The following SNX1 variants were observed in gnomAD, a reference collection of about 807,000 sequenced individuals.
The protein encoded by SNX1 is sorting nexin 1, also known as sorting nexin-1.
A neutral mutation model predicts 71.8 loss-of-function variants in SNX1; 36 were observed. That is an observed-to-expected ratio of 0.50 (90% confidence interval 0.38 to 0.66). SNX1 has a LOEUF of 0.66. SNX1 is among the 30% of genes least tolerant of loss of function. The pLI is 0.00. For synonymous variants in SNX1, 254 were observed against 240.7 expected, an observed-to-expected ratio of 1.06 and a Z score of -0.51; for missense variants, 612 against 646.7, an observed-to-expected ratio of 0.95 and a Z score of 0.58.
chr15:64,124,147 C>CATATATGTGTATATAT (rs1555491929), intron 5 of SNX1, among the ~76,000 whole-genome samples: 1 of 105,434 alleles, frequency 9.5e-6, no homozygotes, highest in African/African-American at 7.9e-5. Context: ...GAAATCTTTA[C>CATATATGTGTATATAT]ATATATATAT....
At chr15:64,107,020 C>G (rs991654191) in intron 1 of SNX1, among the ~76,000 whole-genome samples, 1 of 152,234 alleles carries the variant, frequency 6.6e-6, no homozygotes, top group Non-Finnish European at 1.5e-5. Context: ...AACAGTATTT[C>G]ATGCTAAGTT....
At chr15:64,108,655 T>G (rs1190251821) in intron 1 of SNX1, among the ~76,000 whole-genome samples, 1 of 152,166 alleles carries the variant, frequency 6.6e-6, no homozygotes, top group Non-Finnish European at 1.5e-5. Flanking sequence ...AAACTTAATT[T>G]TTCCAGTGCT....
Position 64,134,594 on chromosome 15 carries a change from C to G in SNX1, c.1222-70C>G. 1 of 1,537,968 alleles carries G rather than the reference C, an allele frequency of 6.5e-7. No individual in the cohort carries two copies. The highest frequency in any genetic ancestry group is 8.8e-7 in the Non-Finnish European group (1 of 1,138,206). ...TCCCTGGTGCAGCTGCTGGGAGAGC[C>G]TGCCTCGAGGCAGAGCCAGCAGAGC... On this transcript the variant is annotated intron_variant, in intron 11 of 14. Transcript: ENST00000559844. The surrounding 1 kb of genome is among the most constrained non-coding windows in gnomAD (Gnocchi z 4.1).
In SNX1 at chr15:64,122,970, T is replaced by C. The variant is rs544603448; in HGVS notation, c.467-533T>C. On this transcript the variant is annotated intron_variant, in intron 4 of 14. Transcript: ENST00000559844. ...GACCCTTTGCTCTTGGTGAACATGC[T>C]AGATCAGAGAGGTCAGTGTCCCCCC... Among the ~76,000 whole-genome samples, 5 of 152,222 alleles carry C rather than the reference T, an allele frequency of 3.3e-5. No individual in the cohort carries two copies. In the South Asian group the frequency reaches 1.0e-3, roughly 32 times the overall value.
At chr15:64,137,069 G>T (rs770536070) in intron 14 of SNX1, 137 bp downstream of exon 14, 21 of 645,922 alleles carry the variant, frequency 3.3e-5, no homozygotes, top group Non-Finnish European at 5.5e-5. Context: ...ATTGAAAATA[G>T]GTCCTGCTGC....
At chr15:64,115,267 T>G (rs748538241) in intron 2 of SNX1, among the ~76,000 whole-genome samples, 3 of 152,192 alleles carry the variant, frequency 2.0e-5, no homozygotes, top group Non-Finnish European at 4.4e-5. Context: ...AGCCAATACC[T>G]GCCTCACTTC....
At chr15:64,111,079 G>A (rs1328564549) in intron 1 of SNX1, among the ~76,000 whole-genome samples, 2 of 152,186 alleles carry the variant, frequency 1.3e-5, no homozygotes, top group African/African-American at 4.8e-5. Flanking sequence ...GGAGATGACT[G>A]GTGTCAGTAG....
rs2081435075 is a variant in SNX1, at chr15:64,143,496, C to T, written c.*5878C>T. 3 of 152,200 alleles carry T rather than the reference C, an allele frequency of 2.0e-5. No individual in the cohort carries two copies. The highest frequency in any genetic ancestry group is 4.4e-5 in the Non-Finnish European group (3 of 68,044). The allele number at this position is 152,200 out of a possible 1,614,324, so 9.4% of individuals were successfully genotyped here. A position where few individuals can be genotyped will look rare whatever the true frequency, so the allele number is the denominator to read the frequency against. On this transcript the variant is annotated 3_prime_UTR_variant, in exon 15 of 15. Transcript: ENST00000559844. ...GTTCCCCAGTTGCAGGCTCTGCCAC[C>T]TGGCGTTCATACTGTCTGTGAAAGG...
At position 64,134,039 on chromosome 15, in the gene SNX1, G is replaced by A. The variant is rs1376415962; in HGVS notation, c.1222-625G>A. 6.6e-6 allele frequency: 1 copy of A among 152,228 alleles called. No homozygotes were observed. Among genetic ancestry groups the A allele is most frequent in the African/African-American group, 2.4e-5 (1 of 41,438 alleles). The allele number at this position is 152,228 out of a possible 1,614,324, so 9.4% of individuals were successfully genotyped here. On this transcript the variant is annotated intron_variant, in intron 11 of 14. Coordinates refer to ENST00000559844, the MANE Select transcript of SNX1 (RefSeq NM_003099.5). This position sits in a 1 kb window ranked among gnomAD's most constrained non-coding sequence, Gnocchi z 4.1. ...CAATGTGGCCCTATGGTGGTTTTAG[G>A]TGTTGATTTAAAGATTTGTTAAGCT...
intron 1 of SNX1, among the ~76,000 whole-genome samples, chr15:64,108,934 G>A (rs913198123): frequency 6.6e-6 from 1 of 151,536 alleles, no homozygotes; most frequent in African/African-American, 2.4e-5. Flanking sequence ...GTTGCAGTGA[G>A]CCGAGATCGC....
chr15:64,121,343 A>G (rs945081497), intron 4 of SNX1, among the ~76,000 whole-genome samples: 10 of 152,210 alleles, frequency 6.6e-5, no homozygotes, highest in African/African-American at 2.4e-4. Context: ...GTGCTAGGGA[A>G]GGACTGTTCA....
chr15:64,124,176 A>ATATATATATATATATATATATATG (rs1567327094), intron 5 of SNX1, among the ~76,000 whole-genome samples: 3 of 119,100 alleles, frequency 2.5e-5, no homozygotes, highest in African/African-American at 8.7e-5. Context: ...ATATATATAT[A>ATATATATATATATATATATATATG]TATGACTGTT....
At chr15:64,121,481 G>A (rs1356187647) in intron 4 of SNX1, among the ~76,000 whole-genome samples, 1 of 152,146 alleles carries the variant, frequency 6.6e-6, no homozygotes, top group Non-Finnish European at 1.5e-5. Context: ...CTCTATGCAT[G>A]TCTATCTCTG....
Position 64,118,383 on chromosome 15 carries a change from G to A in SNX1, c.399+139G>A, listed in dbSNP as rs1253946533. On this transcript the variant is annotated intron_variant, in intron 3 of 14. Transcript: ENST00000559844. ...GATCTTTATGGTTAATGGACAGCCA[G>A]AATCCAATACAGGAGTCTTTCTTGA... 3 of 940,952 alleles carry A rather than the reference G, an allele frequency of 3.2e-6. No homozygotes were observed. In the East Asian group the frequency reaches 7.5e-5, roughly 24 times the overall value. 58.3% of individuals were successfully genotyped at this position (940,952 alleles called of 1,614,324 possible).
rs527423262 is a variant in SNX1 at position 64,142,555 on chromosome 15, G to A, written c.*4937G>A. 11 of 449,736 alleles carry A rather than the reference G, an allele frequency of 2.4e-5. No homozygotes were observed. The highest frequency in any genetic ancestry group is 2.2e-4 in the African/African-American group (11 of 49,954). 27.9% of individuals were successfully genotyped at this position (449,736 alleles called of 1,614,324 possible). A position where few individuals can be genotyped will look rare whatever the true frequency, so the allele number is the denominator to read the frequency against. The stretch of plus-strand genomic sequence containing the variant: ...AGGGTGCCTCACTGCTGAGGCCACA[G>A]GAAAGAATCTGTAGGTGGAGGGGAG... On this transcript the variant is annotated 3_prime_UTR_variant, in exon 15 of 15. Coordinates refer to ENST00000559844, the MANE Select transcript of SNX1 (RefSeq NM_003099.5).
intron 6 of SNX1, 57 bp from the exon 7 acceptor site, chr15:64,127,117 A>AT: frequency 7.4e-7 from 1 of 1,352,432 alleles, no homozygotes; most frequent in Non-Finnish European, 1.0e-6. Flanking sequence ...AAAAAAAAAA[A>AT]GATTTATCCT....
chr15:64,126,026 A>C (rs2140152654), intron 5 of SNX1, 53 bp from the exon 6 acceptor site: 1 of 1,597,318 alleles, frequency 6.3e-7, no homozygotes, highest in Non-Finnish European at 8.6e-7. Flanking sequence ...GACTTTCAAG[A>C]TACCATCCCC....
intron 1 of SNX1, among the ~76,000 whole-genome samples, chr15:64,109,218 A>G (rs766591593): frequency 2.6e-5 from 4 of 152,034 alleles, no homozygotes; most frequent in Non-Finnish European, 5.9e-5. Flanking sequence ...TAAAAATGCA[A>G]AAAAGTTAGT....
rs989957622 is a variant in SNX1 at position 64,139,035 on chromosome 15, G to A, written c.*1417G>A. 2.0e-5 allele frequency: 3 copies of A among 152,164 alleles called. No individual in the cohort carries two copies. Among genetic ancestry groups the A allele is most frequent in the African/African-American group, 7.2e-5 (3 of 41,436 alleles). The allele number at this position is 152,164 out of a possible 1,614,324, so 9.4% of individuals were successfully genotyped here. On this transcript the variant is annotated 3_prime_UTR_variant, in exon 15 of 15. Coordinates refer to ENST00000559844, the MANE Select transcript of SNX1 (RefSeq NM_003099.5). ...ACCAGGGGAAGGGCCAGTGGTGCAA[G>A]TATTTCTTTTTAACAGGTGAAGTTT...
Sources: gnomAD v4.1 joint callset for allele counts (sites outside exome capture counted in the v4.1 genomes callset) on GRCh38, gnomAD v4.1.1 for gene constraint, Gnocchi (gnomAD v3.1) non-coding constraint, MANE v1.5 for transcripts, NCBI Gene and HGNC (gene_info 2026-07-23, HGNC 2026-07-21) for gene names.